The following FER1L6 variants were observed in gnomAD, a reference collection of about 807,000 sequenced individuals.
FER1L6 encodes fer-1-like protein 6.
In FER1L6, 177 loss-of-function variants were observed where a neutral mutation model predicts 219.2. The ratio of observed to expected loss-of-function variants is 0.81; its 90% confidence interval spans 0.71 to 0.91. The LOEUF is 0.91. Ranked by LOEUF, FER1L6 falls within the 40% of genes least tolerant of loss-of-function variation. The pLI, the probability that FER1L6 is intolerant of heterozygous loss-of-function variation, is 0.00. For missense variants in FER1L6, 2,153 were observed against 2,259.9 expected (o/e 0.95, Z 0.96); for synonymous variants, 768 against 824.3 (o/e 0.93, Z 1.17).
chr8:123,892,875 A>C (rs1812674444), intron 1 of FER1L6, among the ~76,000 whole-genome samples: 1 of 152,158 alleles, frequency 6.6e-6, no homozygotes, highest in South Asian at 2.1e-4. Context: ...AGACATATTA[A>C]GCTTATTGTT....
chr8:124,085,456 T>C (rs1472412274), intron 33 of FER1L6, among the ~76,000 whole-genome samples: 2 of 151,986 alleles, frequency 1.3e-5, no homozygotes, highest in African/African-American at 4.8e-5. Context: ...TTTCTAAATT[T>C]CTTTCTTAAT....
chr8:123,952,657 C>G (rs913342922), intron 1 of FER1L6, among the ~76,000 whole-genome samples: 1 of 152,142 alleles, frequency 6.6e-6, no homozygotes, highest in Non-Finnish European at 1.5e-5. Context: ...CCAGGTAAGT[C>G]TTCCTGATTT....
intron 30 of FER1L6, 82 bp from the exon 31 acceptor site, chr8:124,071,424 T>A (rs1349954369): frequency 1.0e-5 from 16 of 1,552,752 alleles, no homozygotes; most frequent in Non-Finnish European, 1.4e-5. Flanking sequence ...GCTGTGCCCA[T>A]TTTCCCAGCA....
intron 20 of FER1L6, among the ~76,000 whole-genome samples, chr8:124,043,599 A>C (rs1156931277): frequency 6.6e-6 from 1 of 152,226 alleles, no homozygotes; most frequent in Non-Finnish European, 1.5e-5. Flanking sequence ...TTGAGGCACA[A>C]AGAGAGGTTT....
chr8:124,059,107 G>A (rs1332288922), intron 22 of FER1L6: 1 of 152,206 alleles, frequency 6.6e-6, no homozygotes, highest in Non-Finnish European at 1.5e-5. Context: ...ACTGTACATG[G>A]AGGGGCTTGG....
At chr8:123,972,136 C>G (rs1355935773) in intron 6 of FER1L6, among the ~76,000 whole-genome samples, 2 of 152,210 alleles carry the variant, frequency 1.3e-5, no homozygotes, top group African/African-American at 4.8e-5. Context: ...CCTTCTGTAG[C>G]TTCTCTACTT....
At chr8:123,859,548 CTTT>C in intron 1 of FER1L6, among the ~76,000 whole-genome samples, 1 of 134,092 alleles carries the variant, frequency 7.5e-6, no homozygotes, top group South Asian at 2.4e-4. Context: ...TGCTCTGTTT[CTTT>C]TTTTTTTTTT....
chr8:124,065,211 T>C (rs965916668), intron 26 of FER1L6, among the ~76,000 whole-genome samples: 1 of 151,472 alleles, frequency 6.6e-6, no homozygotes, highest in Non-Finnish European at 1.5e-5. Flanking sequence ...CTGGCCAACA[T>C]GCTGTAACTC....
intron 1 of FER1L6, among the ~76,000 whole-genome samples, chr8:123,877,133 C>T (rs1002786867): frequency 3.9e-5 from 6 of 152,348 alleles, no homozygotes; most frequent in Admixed American, 3.3e-4. Flanking sequence ...AGCACAACAC[C>T]ATAGAAATGT....
chr8:123,866,185 G>A lies in FER1L6; in HGVS notation c.-8+14000G>A, dbSNP rs189617085. Among the ~76,000 whole-genome samples the A allele has an allele frequency of 2.6e-4, 40 of 151,982 alleles. No homozygotes were observed. The East Asian group carries it at 6.0e-3, about 23-fold the overall frequency. ...ATTCCACATATAGGTGAGATTATAC[G>A]GTATTTGTCTTTTTGTGCCTTGCTT... is the stretch of plus-strand genomic sequence containing the variant. On this transcript the variant is annotated intron_variant, in intron 1 of 40. Coordinates refer to ENST00000522917, the MANE Select transcript of FER1L6 (RefSeq NM_001039112.2).
At position 123,855,390 on chromosome 8, in the gene FER1L6, A is replaced by T. The variant is rs149110347; in HGVS notation, c.-8+3205A>T. Among the ~76,000 whole-genome samples, 21 of 152,274 alleles carry T rather than the reference A, an allele frequency of 1.4e-4. No homozygotes were observed. The East Asian group carries it at 3.9e-3, about 28-fold the overall frequency. On this transcript the variant is annotated intron_variant, in intron 1 of 40. Coordinates refer to ENST00000522917, the MANE Select transcript of FER1L6 (RefSeq NM_001039112.2). ...GTGTCCTCTGCTCTGGGCCTTGAGT[A>T]GCCTTGGTAAGTTCTGGTTCTAACT...
At position 124,012,224 on chromosome 8, in the gene FER1L6, T is replaced by C. The variant is rs573050158; in HGVS notation, c.1822-1207T>C. On this transcript the variant is annotated intron_variant, in intron 14 of 40. Coordinates refer to ENST00000522917, the MANE Select transcript of FER1L6 (RefSeq NM_001039112.2). ...TTTATAATCCTTGTCTCTCAATTTG[T>C]AAAACAAAGTATTGTCTCTGACCAT... is the stretch of plus-strand genomic sequence containing the variant. 3.3e-5 allele frequency among the ~76,000 whole-genome samples: 5 copies of C among 152,306 alleles called. No homozygotes were observed. In the South Asian group the frequency reaches 6.2e-4, roughly 19 times the overall value.
intron 2 of FER1L6, among the ~76,000 whole-genome samples, 165 bp from the exon 3 acceptor site, chr8:123,963,113 C>T (rs141789934): frequency 4.6e-5 from 7 of 152,346 alleles, no homozygotes; most frequent in Admixed American, 2.0e-4. Context: ...AAGGATGTAT[C>T]TGGCATTTCT....
intron 12 of FER1L6, among the ~76,000 whole-genome samples, chr8:123,999,663 A>C (rs1444692296): frequency 6.6e-6 from 1 of 150,822 alleles, no homozygotes; most frequent in African/African-American, 2.4e-5. Context: ...ACTCCATCTC[A>C]AAACAAAAAC....
At chr8:123,868,821 C>T (rs1376538642) in intron 1 of FER1L6, among the ~76,000 whole-genome samples, 1 of 152,112 alleles carries the variant, frequency 6.6e-6, no homozygotes, top group East Asian at 1.9e-4. Context: ...CTAATGGTTC[C>T]ACCAGGCAGG....
chr8:124,113,184 T>G (rs1158466063), intron 39 of FER1L6, among the ~76,000 whole-genome samples: 1 of 152,214 alleles, frequency 6.6e-6, no homozygotes, highest in African/African-American at 2.4e-5. Flanking sequence ...GTCCTCAACA[T>G]TTATTCATTT....
chr8:124,023,430 CTCT>C lies in FER1L6; in HGVS notation c.2134-13_2134-11del, dbSNP rs59681438. Reference sequence around the variant, plus strand: ...CCCATTCCTATTCAATCCCAACTCCCTCTATTCCCACAGCCCCAGCACACTATC... The same window carrying C: ...CCCATTCCTATTCAATCCCAACTCCCATTCCCACAGCCCCAGCACACTATC... On this transcript the variant is annotated splice_polypyrimidine_tract_variant and intron_variant, in intron 17 of 40. Transcript: ENST00000522917. 4.6e-3 allele frequency: 7,343 copies of C among 1,611,796 alleles called. 276 individuals carry two copies. In the African/African-American group the frequency reaches 0.08, roughly 18 times the overall value.
chr8:124,007,969 T>G (rs747871384), intron 13 of FER1L6, among the ~76,000 whole-genome samples: 21 of 152,344 alleles, frequency 1.4e-4, no homozygotes, highest in Non-Finnish European at 2.4e-4. Flanking sequence ...TAGGTTTTGG[T>G]GGAACACATG....
chr8:124,082,828 G>A (rs1032710948), intron 33 of FER1L6, among the ~76,000 whole-genome samples: 2 of 152,154 alleles, frequency 1.3e-5, no homozygotes, highest in African/African-American at 4.8e-5. Context: ...TAACACTCAT[G>A]TACTTTCGAT....
Sources: gnomAD v4.1 joint callset for allele counts (sites outside exome capture counted in the v4.1 genomes callset) on GRCh38, gnomAD v4.1.1 for gene constraint, MANE v1.5 for transcripts, NCBI Gene and HGNC (gene_info 2026-07-23, HGNC 2026-07-21) for gene names.